SERINC5: variants seen among roughly 807,000 people sequenced by gnomAD.
SERINC5 encodes the protein chromosome 5 open reading frame 12.
SERINC5 carries 41 observed loss-of-function variants against 63.1 expected under a neutral mutation model. That is an observed-to-expected ratio of 0.65 (90% CI 0.51 to 0.84). The LOEUF is 0.84. Ranked by LOEUF, SERINC5 falls within the 40% of genes least tolerant of loss-of-function variation. SERINC5 has a pLI of 0.00. For missense variants in SERINC5, 523 were observed against 573.0 expected (o/e 0.91, Z 0.89); for synonymous variants, 222 against 215.2 (o/e 1.03, Z -0.28).
rs1392504676 is a variant in SERINC5 at position 80,141,475 on chromosome 5, C to T, written c.*2188G>A. 2 of 952,240 alleles carry T rather than the reference C, an allele frequency of 2.1e-6. No homozygotes were observed. The highest frequency in any genetic ancestry group is 2.4e-6 in the Non-Finnish European group (2 of 828,888). 59.0% of individuals were successfully genotyped at this position (952,240 alleles called of 1,614,324 possible). ...TGCGCGTAAGGTCAGTTTCTCAAAT[C>T]ACACCAGCTGGCAGCCAGACCCAGC... is the stretch of plus-strand genomic sequence containing the variant. On this transcript the variant is annotated 3_prime_UTR_variant, in exon 12 of 12. Transcript: ENST00000507668.
At chr5:80,116,386 T>A (rs1744322553) in intron 11 of SERINC5, 1 of 455,388 alleles carries the variant, frequency 2.2e-6, no homozygotes, top group African/African-American at 2.0e-5. Context: ...GGACAGAGAA[T>A]GGGACAGGCC....
chr5:80,203,955 G>A (rs774251284), intron 1 of SERINC5, among the ~76,000 whole-genome samples: 18 of 152,132 alleles, frequency 1.2e-4, no homozygotes, highest in African/African-American at 3.4e-4. Context: ...TTAATCAGCC[G>A]CATGTACATA....
intron 1 of SERINC5, among the ~76,000 whole-genome samples, chr5:80,237,806 C>G (rs1000127022): frequency 5.9e-5 from 9 of 151,448 alleles, no homozygotes; most frequent in Non-Finnish European, 8.8e-5. Flanking sequence ...CTCTTGCTTC[C>G]AAAAAATATG....
intron 10 of SERINC5, 146 bp downstream of exon 10, chr5:80,147,099 A>G (rs1156849422): frequency 5.8e-6 from 4 of 684,476 alleles, no homozygotes; most frequent in Non-Finnish European, 9.7e-6. Flanking sequence ...AAGAATGTGA[A>G]AAGTGTATAA....
intron 1 of SERINC5, among the ~76,000 whole-genome samples, chr5:80,221,048 G>A (rs963469150): frequency 1.3e-5 from 2 of 152,146 alleles, no homozygotes; most frequent in African/African-American, 2.4e-5. Flanking sequence ...CTGCCTCACT[G>A]CAAGAGCAGA....
Position 80,181,857 on chromosome 5 carries a change from C to T in SERINC5, c.196-3793G>A, listed in dbSNP as rs1242316227. On this transcript the variant is annotated intron_variant, in intron 2 of 11. Coordinates refer to ENST00000507668, the MANE Select transcript of SERINC5 (RefSeq NM_001174072.3). The stretch of plus-strand genomic sequence containing the variant: ...TCTGCCCCGAAGGCTCTGCCCACAT[C>T]AAAGACTGTTTCTTGCACAACCAAC... 7.2e-5 allele frequency among the ~76,000 whole-genome samples: 11 copies of T among 152,292 alleles called. No individual in the cohort carries two copies. The East Asian group carries it at 2.1e-3, about 29-fold the overall frequency.
At chr5:80,214,951 A>G (rs1443304592) in intron 1 of SERINC5, among the ~76,000 whole-genome samples, 1 of 151,864 alleles carries the variant, frequency 6.6e-6, no homozygotes, top group Non-Finnish European at 1.5e-5. Flanking sequence ...CCCCGCAAGA[A>G]AAAAAAAATT....
intron 2 of SERINC5, among the ~76,000 whole-genome samples, chr5:80,180,370 C>T (rs936160114): frequency 6.6e-6 from 1 of 152,040 alleles, no homozygotes; most frequent in South Asian, 2.1e-4. Context: ...TAGCACAAAA[C>T]TGAAGGTAAA....
At chr5:80,233,844 C>T (rs1306782378) in intron 1 of SERINC5, among the ~76,000 whole-genome samples, 1 of 124,986 alleles carries the variant, frequency 8.0e-6, no homozygotes, top group East Asian at 2.6e-4. Context: ...CAGAGTCTCA[C>T]TCTGTCGCCC....
In SERINC5 at chr5:80,249,505, T is replaced by C. The variant is rs1031584437; in HGVS notation, c.27+6391A>G. ...CCAACAAAATCCCAACTTTGCAAAGTAAAATTATAAATATCGGCCGGGCAC... is the reference window on the plus strand; with the variant it reads ...CCAACAAAATCCCAACTTTGCAAAGCAAAATTATAAATATCGGCCGGGCAC... On this transcript the variant is annotated intron_variant, in intron 1 of 11. Coordinates refer to ENST00000507668, the MANE Select transcript of SERINC5 (RefSeq NM_001174072.3). Among the ~76,000 whole-genome samples, 5 of 151,670 alleles carry C rather than the reference T, an allele frequency of 3.3e-5. 1 individual carries two copies. Among genetic ancestry groups the C allele is most frequent in the African/African-American group, 1.2e-4 (5 of 41,268 alleles).
downstream of SERINC5, among the ~76,000 whole-genome samples, chr5:80,136,572 C>T (rs747053850): frequency 1.7e-4 from 26 of 151,986 alleles, no homozygotes; most frequent in Non-Finnish European, 2.5e-4. Context: ...TGTTAAAACC[C>T]GAAACTAAAG....
At chr5:80,156,905 A>AGCAG (rs1746556479) in intron 8 of SERINC5, 2 of 152,082 alleles carry the variant, frequency 1.3e-5, no homozygotes, top group Non-Finnish European at 2.9e-5. Context: ...ACCATTATGC[A>AGCAG]GCAGGCTAAG....
Position 80,162,941 on chromosome 5 carries a change from C to A in SERINC5, c.859+3442G>T, listed in dbSNP as rs1247530281. Among the ~76,000 whole-genome samples the A allele has an allele frequency of 2.6e-5, 4 of 151,926 alleles. No homozygotes were observed. The East Asian group carries it at 5.8e-4, about 22-fold the overall frequency. ...GGCTAGTGAGCCAAGATCCCTCCCC[C>A]TCCCAGGTTCAAGTGATTCTCCTGT... is the stretch of plus-strand genomic sequence containing the variant. On this transcript the variant is annotated intron_variant, in intron 7 of 11. Coordinates refer to ENST00000507668, the MANE Select transcript of SERINC5 (RefSeq NM_001174072.3).
chr5:80,121,820 C>A (rs943563660), intron 11 of SERINC5, among the ~76,000 whole-genome samples: 1 of 152,030 alleles, frequency 6.6e-6, no homozygotes, highest in Non-Finnish European at 1.5e-5. Flanking sequence ...AGATGCCAGG[C>A]TCTTTTAAAC....
In SERINC5 at chr5:80,141,085, G is replaced by A; in HGVS notation, c.*2578C>T. The A allele has an allele frequency of 1.0e-6, 1 of 985,274 alleles. No homozygotes were observed. Among genetic ancestry groups the A allele is most frequent in the African/African-American group, 1.7e-5 (1 of 57,332 alleles). The allele number at this position is 985,274 out of a possible 1,614,324, so 61.0% of individuals were successfully genotyped here. A position where few individuals can be genotyped will look rare whatever the true frequency, so the allele number is the denominator to read the frequency against. Reference sequence around the variant, plus strand: ...AATGTTGACTCCTCACCTGAGTATTGTATATCACAATTAATAACCATTAAC... The same window carrying A: ...AATGTTGACTCCTCACCTGAGTATTATATATCACAATTAATAACCATTAAC... On this transcript the variant is annotated 3_prime_UTR_variant, in exon 12 of 12. Transcript: ENST00000507668.
At chr5:80,151,182 G>T (rs1746159245) in intron 8 of SERINC5, among the ~76,000 whole-genome samples, 1 of 152,222 alleles carries the variant, frequency 6.6e-6, no homozygotes, top group Non-Finnish European at 1.5e-5. Flanking sequence ...ATGCAAAGAA[G>T]GTTGTAGGTA....
At chr5:80,182,316 G>A (rs893985838) in intron 2 of SERINC5, among the ~76,000 whole-genome samples, 1 of 152,140 alleles carries the variant, frequency 6.6e-6, no homozygotes, top group Non-Finnish European at 1.5e-5. Context: ...TTTCAAGCTC[G>A]TTATTCTGAG....
At chr5:80,162,058 C>A (rs184469462) in intron 7 of SERINC5, among the ~76,000 whole-genome samples, 38 of 152,276 alleles carry the variant, frequency 2.5e-4, no homozygotes, top group Non-Finnish European at 4.9e-4. Context: ...CTATGTGGTT[C>A]CATGGATCTA....
intron 9 of SERINC5, among the ~76,000 whole-genome samples, chr5:80,148,186 ATTC>A (rs1745944883): frequency 1.2e-5 from 1 of 86,308 alleles, no homozygotes; most frequent in Admixed American, 1.2e-4. Flanking sequence ...CGTATTTTTT[ATTC>A]TTTTTTTTTT....
Sources: gnomAD v4.1 joint callset for allele counts (sites outside exome capture counted in the v4.1 genomes callset) on GRCh38, gnomAD v4.1.1 for gene constraint, MANE v1.5 for transcripts, NCBI Gene and HGNC (gene_info 2026-07-23, HGNC 2026-07-21) for gene names.